Variants in OTOG observed in about 807,000 individuals in gnomAD.
OTOG encodes the protein otogelin.
A neutral mutation model predicts 313.8 loss-of-function variants in OTOG; 296 were observed. The ratio of observed to expected loss-of-function variants is 0.94; its 90% CI spans 0.86 to 1.04. OTOG has a LOEUF of 1.04. OTOG is among the 50% of genes least tolerant of loss of function. The pLI is 0.00. For missense variants in OTOG, 3,948 were observed against 3,840.1 expected, an observed-to-expected ratio of 1.03 and a Z score of -0.74; for synonymous variants, 1,533 against 1,554.9, an observed-to-expected ratio of 0.99 and a Z score of 0.33.
rs1033883529 is a variant in OTOG at position 17,594,218 on chromosome 11, C to T, written c.3408+52C>T. 59 of 1,548,648 alleles carry T rather than the reference C, an allele frequency of 3.8e-5. No individual in the cohort carries two copies. In the African/African-American group the frequency reaches 7.0e-4, roughly 18 times the overall value. On this transcript the variant is annotated intron_variant, in intron 28 of 55. Coordinates refer to ENST00000399397, the MANE Select transcript of OTOG (RefSeq NM_001292063.2). The stretch of plus-strand genomic sequence containing the variant: ...ATGCCCCTCACTCAGATGGGCGCTG[C>T]CAGCACTGAACCCGGCCCAAGGTCA...
rs913039181 is a variant in OTOG, at chr11:17,553,389, A to G, written c.410A>G (p.Asp137Gly). The G allele has an allele frequency of 6.1e-6, 9 of 1,464,058 alleles. No homozygotes were observed. Among genetic ancestry groups the G allele is most frequent in the South Asian group, 1.4e-5 (1 of 69,544 alleles). The allele number at this position is 1,464,058 out of a possible 1,614,324, so 90.7% of individuals were successfully genotyped here. A position where few individuals can be genotyped will look rare whatever the true frequency, so the allele number is the denominator to read the frequency against. ...QMVYNAGPER[D>G]SICRAWGQHH... ...GTGTACAATGCCGGCCCTGAGAGGG[A>G]CAGCATTTGCCGGGCGTGGGGGCAG... The change falls in exon 6 of 56, where the codon GAC (aspartate) becomes GGC (glycine). Residue 137 changes from aspartate (D) to glycine (G), a missense_variant. By Grantham distance (94) the Asp-to-Gly change is moderately conservative. Coordinates refer to ENST00000399397, the MANE Select transcript of OTOG (RefSeq NM_001292063.2).
chr11:17,572,827 T>A (rs1487765017), intron 18 of OTOG, among the ~76,000 whole-genome samples: 2 of 152,228 alleles, frequency 1.3e-5, no homozygotes, highest in Non-Finnish European at 2.9e-5. Flanking sequence ...CTATATGAAT[T>A]TTTTAGTGAC....
intron 39 of OTOG, among the ~76,000 whole-genome samples, chr11:17,623,714 A>T (rs1267872684): frequency 2.6e-5 from 4 of 152,182 alleles, no homozygotes; most frequent in African/African-American, 9.7e-5. Flanking sequence ...GTCTTTGAGG[A>T]ATCATCACAC....
rs182608620 is a variant in OTOG at position 17,627,016 on chromosome 11, G to C, written c.6529-2117G>C. Among the ~76,000 whole-genome samples the C allele has an allele frequency of 2.4e-3, 360 of 152,164 alleles. 1 individual carries two copies. Among genetic ancestry groups the C allele is most frequent in the African/African-American group, 8.2e-3 (340 of 41,542 alleles). On this transcript the variant is annotated intron_variant, in intron 39 of 55. Coordinates refer to ENST00000399397, the MANE Select transcript of OTOG (RefSeq NM_001292063.2). ...TTAAAATCAGTTCTAGTAGTTTTTT[G>C]GTGGAATCTTTAGTTTTTTTCCAAA... is the stretch of plus-strand genomic sequence containing the variant.
chr11:17,618,346 A>G (rs138979639), intron 39 of OTOG, among the ~76,000 whole-genome samples: 70 of 152,286 alleles, frequency 4.6e-4, no homozygotes, highest in African/African-American at 1.7e-3. Flanking sequence ...TATTTGACCC[A>G]TGAATTAAGG....
intron 48 of OTOG, chr11:17,638,859 AGG>A: frequency 8.1e-7 from 1 of 1,232,488 alleles, no homozygotes; most frequent in East Asian, 4.6e-5. Context: ...GCACTTTGAG[AGG>A]CCAAGGCGGG....
At chr11:17,625,493 A>G (rs1853961554) in intron 39 of OTOG, among the ~76,000 whole-genome samples, 1 of 152,200 alleles carries the variant, frequency 6.6e-6, no homozygotes, top group African/African-American at 2.4e-5. Context: ...ATTGCCTCCC[A>G]GAGATAAAGC....
At chr11:17,629,355 C>G in intron 40 of OTOG, 39 bp downstream of exon 40, 1 of 1,520,692 alleles carries the variant, frequency 6.6e-7, no homozygotes. Context: ...GGATGCTTCC[C>G]AGGTCCACCT....
intron 30 of OTOG, 117 bp from the exon 31 acceptor site, chr11:17,599,554 A>C: frequency 9.0e-7 from 1 of 1,107,966 alleles, no homozygotes; most frequent in East Asian, 2.6e-5. Context: ...TGTGGGAGGC[A>C]GGCCAGGCCC....
intron 31 of OTOG, among the ~76,000 whole-genome samples, chr11:17,601,237 G>C (rs1853241584): frequency 6.6e-6 from 1 of 152,170 alleles, no homozygotes; most frequent in Non-Finnish European, 1.5e-5. Context: ...TGCTCCAAGA[G>C]CTGGTGGGGC....
rs61734125 is a variant in OTOG, at chr11:17,605,991, C to T, written c.4012C>T (p.Arg1338Trp). The T allele has an allele frequency of 2.4e-4, 379 of 1,550,586 alleles. No homozygotes were observed. The highest frequency in any genetic ancestry group is 2.4e-3 in the African/African-American group (174 of 73,174). The change falls in exon 33 of 56, where the codon CGG (arginine) becomes TGG (tryptophan). Residue 1338 changes from arginine to tryptophan, a missense_variant. By Grantham distance (101) the Arg-to-Trp change is moderately radical (BLOSUM62 -3). Coordinates refer to ENST00000399397, the MANE Select transcript of OTOG (RefSeq NM_001292063.2). ...ACAGCATGCCTCCTTCTTGCTGCAC[C>T]GGGGGACACGGCAGGCAGGCCTGGT... ...FQQHASFLLH[R>W]GTRQAGLVAL...
In OTOG at chr11:17,646,008, C is replaced by T. The variant is rs1848069407; in HGVS notation, c.*64C>T. 2.7e-6 allele frequency: 4 copies of T among 1,465,560 alleles called. No individual in the cohort carries two copies. The highest frequency in any genetic ancestry group is 3.7e-6 in the Non-Finnish European group (4 of 1,080,750). The allele number at this position is 1,465,560 out of a possible 1,614,324, so 90.8% of individuals were successfully genotyped here. A position where few individuals can be genotyped will look rare whatever the true frequency, so the allele number is the denominator to read the frequency against. ...CCCCACTTTCTGTTTCCAGCTGGCC[C>T]AATGTGAATGGGGGTATTAAAGGTG... On this transcript the variant is annotated 3_prime_UTR_variant, in exon 56 of 56. Coordinates refer to ENST00000399397, the MANE Select transcript of OTOG (RefSeq NM_001292063.2).
intron 15 of OTOG, 100 bp downstream of exon 15, chr11:17,561,907 GC>G: frequency 7.2e-7 from 1 of 1,389,408 alleles, no homozygotes; most frequent in Non-Finnish European, 9.7e-7. Flanking sequence ...TCTTCCCATG[GC>G]CCCCACCTGC....
rs12803404 is a variant in OTOG at position 17,613,195 on chromosome 11, T to C, written c.6439-417T>C. Among the ~76,000 whole-genome samples, 416 of 65,348 alleles carry C rather than the reference T, an allele frequency of 6.4e-3. 4 individuals carry two copies. Among genetic ancestry groups the C allele is most frequent in the Middle Eastern group, 0.029 (4 of 140 alleles). 42.9% of individuals were successfully genotyped at this position (65,348 alleles called of 152,430 possible). ...TTTTCTTTCTTTCTTTCTTTCTTTC[T>C]TTTCTTTCTTTCTTTCTTTCTTTCT... On this transcript the variant is annotated intron_variant, in intron 38 of 55. Coordinates refer to ENST00000399397, the MANE Select transcript of OTOG (RefSeq NM_001292063.2).
chr11:17,609,031 G>A (rs1050136605), intron 34 of OTOG, 99 bp from the exon 35 acceptor site: 5 of 917,870 alleles, frequency 5.4e-6, no homozygotes, highest in East Asian at 2.6e-5. Context: ...GCACGCACAT[G>A]TGTCATAAGA....
At chr11:17,606,240 A>G in intron 33 of OTOG, 105 bp downstream of exon 33, 8 of 1,363,276 alleles carry the variant, frequency 5.9e-6, no homozygotes, top group Non-Finnish European at 7.8e-6. Flanking sequence ...AAGAAGCAGA[A>G]TCCTCCTTCT....
rs921981527 is a variant in OTOG at position 17,555,775 on chromosome 11, T to G, written c.541-4T>G. On this transcript the variant is annotated splice_region_variant and splice_polypyrimidine_tract_variant and intron_variant, in intron 6 of 55. Coordinates refer to ENST00000399397, the MANE Select transcript of OTOG (RefSeq NM_001292063.2). The stretch of plus-strand genomic sequence containing the variant: ...GCAAACCAGCCTCTGAACTCCCTAC[T>G]CAGGTACACAATGACCCGCAGTGTG... 8 of 1,549,688 alleles carry G rather than the reference T, an allele frequency of 5.2e-6. No homozygotes were observed. The East Asian group carries it at 7.3e-5, about 14-fold the overall frequency.
chr11:17,573,868 A>G (rs1255258354), intron 19 of OTOG, among the ~76,000 whole-genome samples: 1 of 152,212 alleles, frequency 6.6e-6, no homozygotes, highest in Non-Finnish European at 1.5e-5. Context: ...CCAGCCCTGC[A>G]GGTGACTTGC....
intron 23 of OTOG, among the ~76,000 whole-genome samples, chr11:17,580,618 C>T (rs533359729): frequency 3.3e-5 from 5 of 152,286 alleles, no homozygotes; most frequent in Admixed American, 1.3e-4. Flanking sequence ...GGATGGTGGG[C>T]AACAGAGAAG....
Sources: gnomAD v4.1 joint callset for allele counts (sites outside exome capture counted in the v4.1 genomes callset) on GRCh38, gnomAD v4.1.1 for gene constraint, MANE v1.5 for transcripts, NCBI Gene and HGNC (gene_info 2026-07-23, HGNC 2026-07-21) for gene names.